Variants in CLPB observed in about 807,000 individuals in gnomAD.
The protein encoded by CLPB is ClpB family mitochondrial disaggregase.
CLPB carries 40 observed loss-of-function variants against 78.4 expected under a neutral mutation model. The ratio of observed to expected loss-of-function variants is 0.51; its 90% CI spans 0.40 to 0.66. The LOEUF is 0.66. CLPB is among the 30% of genes least tolerant of loss of function. The pLI is 0.00. For synonymous variants in CLPB, 333 were observed against 348.0 expected, an observed-to-expected ratio of 0.96 and a Z score of 0.48; for missense variants, 780 against 886.9, an observed-to-expected ratio of 0.88 and a Z score of 1.53.
At chr11:72,331,998 A>T (rs2135553915) in intron 5 of CLPB, among the ~76,000 whole-genome samples, 1 of 152,248 alleles carries the variant, frequency 6.6e-6, no homozygotes, top group Middle Eastern at 3.4e-3. Flanking sequence ...GCGATGTGGG[A>T]GGTGGAGGGG....
At chr11:72,309,398 G>A (rs575168396) in intron 7 of CLPB, among the ~76,000 whole-genome samples, 90 of 152,236 alleles carry the variant, frequency 5.9e-4, no homozygotes, top group African/African-American at 2.1e-3. Context: ...GGAGAATCAG[G>A]CTCAGAAACA....
At chr11:72,428,688 C>T (rs1309604698) in intron 2 of CLPB, 1 of 152,176 alleles carries the variant, frequency 6.6e-6, no homozygotes, top group East Asian at 1.9e-4. Context: ...TGAGGTGGGA[C>T]AAGAGGAGGC....
chr11:72,322,975 A>G (rs1034384928), intron 6 of CLPB, among the ~76,000 whole-genome samples: 2 of 152,220 alleles, frequency 1.3e-5, no homozygotes, highest in Non-Finnish European at 2.9e-5. Context: ...CAGCGAGTAT[A>G]GAGACAGAAC....
intron 3 of CLPB, among the ~76,000 whole-genome samples, chr11:72,394,161 A>C (rs1310206266): frequency 6.6e-5 from 10 of 152,202 alleles, no homozygotes; most frequent in African/African-American, 2.4e-4. Context: ...TATCTTACTA[A>C]AAGCCTGAAA....
intron 2 of CLPB, chr11:72,408,284 T>A (rs910226770): frequency 1.0e-6 from 1 of 998,506 alleles, no homozygotes; most frequent in African/African-American, 1.6e-5. Flanking sequence ...ACTTACTAGC[T>A]GTGAAATGGA....
In CLPB at chr11:72,285,561, AATC is replaced by A. The variant is rs1949377411; in HGVS notation, c.*7803_*7805del. On this transcript the variant is annotated 3_prime_UTR_variant, in exon 16 of 16. Transcript: ENST00000538039. ...TTAAGAAATGTATATTTTAGTATTAAATCATCCTTTCTAAAACTTGATGTTTTT... is the reference window on the plus strand; with the variant it reads ...TTAAGAAATGTATATTTTAGTATTAAATCCTTTCTAAAACTTGATGTTTTT... 6.6e-6 allele frequency: 1 copy of A among 152,230 alleles called. No individual in the cohort carries two copies. The highest frequency in any genetic ancestry group is 2.4e-5 in the African/African-American group (1 of 41,460). The allele number at this position is 152,230 out of a possible 1,614,324, so 9.4% of individuals were successfully genotyped here.
chr11:72,324,813 G>A (rs971033155), intron 6 of CLPB, among the ~76,000 whole-genome samples: 18 of 152,150 alleles, frequency 1.2e-4, no homozygotes, highest in Non-Finnish European at 2.2e-4. Flanking sequence ...TCCTCCTGTA[G>A]GGCTGCACTC....
At chr11:72,413,283 C>A (rs1855930497) in intron 2 of CLPB, among the ~76,000 whole-genome samples, 1 of 151,712 alleles carries the variant, frequency 6.6e-6, no homozygotes, top group Non-Finnish European at 1.5e-5. Flanking sequence ...AAGCGAAAAT[C>A]CGTCTCGAAA....
Position 72,301,914 on chromosome 11 carries a change from A to G in CLPB, c.1218T>C (p.Gly406=), listed in dbSNP as rs200323616. 7.1e-5 allele frequency: 114 copies of G among 1,613,980 alleles called. 1 individual carries two copies. In the East Asian group the frequency reaches 2.5e-3, roughly 35 times the overall value. The part of the protein sequence containing the change: ...SPPGYVGHEE[G]GQLTKKLKQC... ...GCTTCAACTTCTTGGTCAGCTGGCCACCCTCCTCATGGCCAACGTAGCCTG... is the reference window on the plus strand; with the variant it reads ...GCTTCAACTTCTTGGTCAGCTGGCCGCCCTCCTCATGGCCAACGTAGCCTG... Residue 406 remains glycine, a synonymous_variant, in exon 11 of 16, where the codon GGT becomes GGC. Transcript: ENST00000538039.
chr11:72,350,915 G>A (rs538198075), intron 5 of CLPB, among the ~76,000 whole-genome samples: 1 of 152,210 alleles, frequency 6.6e-6, no homozygotes, highest in Non-Finnish European at 1.5e-5. Context: ...TACTTAGAGA[G>A]TTGTGCAACC....
rs1230427698 is a variant in CLPB, at chr11:72,319,814, G to C, written c.874-2594C>G. 3.9e-5 allele frequency among the ~76,000 whole-genome samples: 6 copies of C among 152,178 alleles called. No individual in the cohort carries two copies. In the East Asian group the frequency reaches 9.6e-4, roughly 24 times the overall value. On this transcript the variant is annotated intron_variant, in intron 6 of 15. Transcript: ENST00000538039. The stretch of plus-strand genomic sequence containing the variant: ...TCTACCTAACCCTTATTAAACCTTT[G>C]ATAAATGTGACTCCTCTTCTCCTTC...
In CLPB at chr11:72,286,721, C is replaced by A. The variant is rs943978113; in HGVS notation, c.*6646G>T. ...ACTCCAGACCTAGGTGATCCACCTG[C>A]CTGGGCCTCCCAAAGTGTTGGAATT... On this transcript the variant is annotated 3_prime_UTR_variant, in exon 16 of 16. Transcript: ENST00000538039. 1 of 152,120 alleles carries A rather than the reference C, an allele frequency of 6.6e-6. No individual in the cohort carries two copies. Among genetic ancestry groups the A allele is most frequent in the Admixed American group, 6.5e-5 (1 of 15,274 alleles). 9.4% of individuals were successfully genotyped at this position (152,120 alleles called of 1,614,324 possible).
intron 4 of CLPB, among the ~76,000 whole-genome samples, chr11:72,360,213 C>G (rs1170955583): frequency 6.6e-6 from 1 of 152,190 alleles, no homozygotes; most frequent in East Asian, 1.9e-4. Context: ...TACCTATACT[C>G]CTCCCTGAGT....
rs1345179685 is a variant in CLPB at position 72,290,648 on chromosome 11, G to C, written c.*2719C>G. The C allele has an allele frequency of 6.6e-6, 1 of 152,098 alleles. No individual in the cohort carries two copies. The highest frequency in any genetic ancestry group is 1.5e-5 in the Non-Finnish European group (1 of 68,018). 9.4% of individuals were successfully genotyped at this position (152,098 alleles called of 1,614,324 possible). ...ACACCACCTTAGCCATGTGATCAAA[G>C]TTACCACCACCTAGTCTAGGTGTGG... On this transcript the variant is annotated 3_prime_UTR_variant, in exon 16 of 16. Transcript: ENST00000538039.
chr11:72,299,814 G>A (rs1234213205), intron 11 of CLPB, among the ~76,000 whole-genome samples: 1 of 152,178 alleles, frequency 6.6e-6, no homozygotes, highest in African/African-American at 2.4e-5. Context: ...GGGGCTGGGG[G>A]AAGGGGCGAC....
At chr11:72,323,070 T>G (rs1950071409) in intron 6 of CLPB, among the ~76,000 whole-genome samples, 1 of 152,214 alleles carries the variant, frequency 6.6e-6, no homozygotes, top group Admixed American at 6.5e-5. Flanking sequence ...TCAGTCTGTT[T>G]AGGAAGATGA....
chr11:72,316,855 T>C (rs1229047466), intron 7 of CLPB, among the ~76,000 whole-genome samples: 2 of 152,168 alleles, frequency 1.3e-5, no homozygotes, highest in African/African-American at 4.8e-5. Context: ...CTCGAGCAAG[T>C]GATTTAGGTA....
intron 5 of CLPB, among the ~76,000 whole-genome samples, chr11:72,330,477 T>G (rs749101067): frequency 6.6e-6 from 1 of 152,240 alleles, no homozygotes; most frequent in African/African-American, 2.4e-5. Context: ...GGGCCATGTA[T>G]CTACCTTCTC....
intron 7 of CLPB, among the ~76,000 whole-genome samples, chr11:72,315,017 G>A (rs1161559517): frequency 6.6e-6 from 1 of 152,164 alleles, no homozygotes; most frequent in African/African-American, 2.4e-5. Flanking sequence ...AGGAAGGGAG[G>A]CAGGGACACC....
Sources: gnomAD v4.1 joint callset for allele counts (sites outside exome capture counted in the v4.1 genomes callset) on GRCh38, gnomAD v4.1.1 for gene constraint, MANE v1.5 for transcripts, NCBI Gene and HGNC (gene_info 2026-07-23, HGNC 2026-07-21) for gene names.